PZP: variants seen among roughly 807,000 people sequenced by gnomAD.
The protein encoded by PZP is PZP alpha-2-macroglobulin like.
In PZP, 150 loss-of-function variants were observed where a neutral mutation model predicts 179.8. The observed-to-expected ratio is 0.83, with a 90% CI of 0.73 to 0.96. PZP has a LOEUF of 0.96. Ranked by LOEUF, PZP falls within the 40% of genes least tolerant of loss-of-function variation. The pLI is 0.00. For missense variants in PZP, 1,689 were observed against 1,764.0 expected (o/e 0.96, Z 0.76); for synonymous variants, 624 against 652.3 (o/e 0.96, Z 0.66).
intron 34 of PZP, among the ~76,000 whole-genome samples, chr12:9,150,133 T>C (rs1401678615): frequency 6.6e-6 from 1 of 152,238 alleles, no homozygotes; most frequent in African/African-American, 2.4e-5. Flanking sequence ...TTTCCTGTTA[T>C]GTAATATTTT....
At chr12:9,201,461 CA>C in intron 4 of PZP, 114 bp from the exon 5 acceptor site, 2 of 785,028 alleles carry the variant, frequency 2.5e-6, no homozygotes, top group Admixed American at 4.9e-5. Context: ...CTAAATTCAA[CA>C]AGAAACATAA....
At chr12:9,153,547 AT>A (rs1206183986) in intron 29 of PZP, among the ~76,000 whole-genome samples, 1 of 152,250 alleles carries the variant, frequency 6.6e-6, no homozygotes, top group Non-Finnish European at 1.5e-5. Flanking sequence ...TAAAAGGCTA[AT>A]AATGTTTATT....
At chr12:9,194,891 G>A (rs1318896262) in intron 10 of PZP, among the ~76,000 whole-genome samples, 1 of 152,150 alleles carries the variant, frequency 6.6e-6, no homozygotes, top group African/African-American at 2.4e-5. Flanking sequence ...ATGCTTGGCT[G>A]TGTTCTGAAC....
At chr12:9,151,793 T>C in intron 32 of PZP, 121 bp from the exon 33 acceptor site, 1 of 732,582 alleles carries the variant, frequency 1.4e-6, no homozygotes, top group Non-Finnish European at 2.2e-6. Context: ...AAGCTAATTG[T>C]TTTCAGGTCA....
chr12:9,202,490 A>G (rs774139153), intron 3 of PZP, 35 bp downstream of exon 3: 8 of 1,613,296 alleles, frequency 5.0e-6, no homozygotes, highest in Middle Eastern at 1.6e-4. Context: ...GGCCCTTCTC[A>G]GTGTTGCCCC....
intron 29 of PZP, among the ~76,000 whole-genome samples, 194 bp from the exon 30 acceptor site, chr12:9,153,537 TA>T: frequency 6.6e-6 from 1 of 152,346 alleles, no homozygotes; most frequent in South Asian, 2.1e-4. Context: ...CCAAATGAAA[TA>T]AAAGGCTAAT....
intron 11 of PZP, 31 bp from the exon 12 acceptor site, chr12:9,192,770 C>T (rs1217566242): frequency 6.8e-7 from 1 of 1,473,598 alleles, no homozygotes; most frequent in African/African-American, 1.4e-5. Flanking sequence ...AGAAAGAATA[C>T]TGTCTTGAAA....
Position 9,193,315 on chromosome 12 carries a change from T to C in PZP, c.1255-576A>G, listed in dbSNP as rs1016440394. 2.6e-5 allele frequency among the ~76,000 whole-genome samples: 4 copies of C among 152,246 alleles called. No homozygotes were observed. In the East Asian group the frequency reaches 7.7e-4, roughly 29 times the overall value. ...TTAGCTTTTCTTCAAAGTGCACTTA[T>C]TTTTTTCTAAATTTATTAGGCATAT... is the stretch of plus-strand genomic sequence containing the variant. On this transcript the variant is annotated intron_variant, in intron 11 of 35. Coordinates refer to ENST00000261336, the MANE Select transcript of PZP (RefSeq NM_002864.3).
the PZP span, among the ~76,000 whole-genome samples, chr12:9,140,288 A>T: frequency 2.0e-5 from 3 of 152,098 alleles, no homozygotes; most frequent in Non-Finnish European, 4.4e-5. Context: ...GAATGGGATG[A>T]CCCATGCTAT....
intron 20 of PZP, among the ~76,000 whole-genome samples, 162 bp from the exon 21 acceptor site, chr12:9,163,951 G>A (rs886073485): frequency 6.6e-6 from 1 of 152,200 alleles, no homozygotes; most frequent in Non-Finnish European, 1.5e-5. Context: ...CCAAGATAGT[G>A]ATTCTGGGGA....
rs990141071 is a variant in PZP, at chr12:9,157,170, C to A, written c.3550+5G>T. The A allele has an allele frequency of 2.5e-5, 41 of 1,611,790 alleles. No individual in the cohort carries two copies. Among genetic ancestry groups the A allele is most frequent in the Non-Finnish European group, 3.4e-5 (40 of 1,178,566 alleles). On this transcript the variant is annotated splice_donor_5th_base_variant and intron_variant, in intron 28 of 35. Transcript: ENST00000261336. ...TGTTCAGCTCCCACTTATAAGTGCT[C>A]TCACCTTCTTTCACAGCTTCCTTAT...
Position 9,204,462 on chromosome 12 carries a change from A to T in PZP, c.84-511T>A, listed in dbSNP as rs116088179. On this transcript the variant is annotated intron_variant, in intron 1 of 35. Transcript: ENST00000261336. ...GAAAGAACTTCAGTAAGCATATATC[A>T]TTACACAAAATAACACATGTCTATA... Among the ~76,000 whole-genome samples, 649 of 152,336 alleles carry T rather than the reference A, an allele frequency of 4.3e-3. 3 individuals carry two copies. The highest frequency in any genetic ancestry group is 0.014 in the African/African-American group (598 of 41,566).
intron 2 of PZP, 42 bp from the exon 3 acceptor site, chr12:9,202,726 T>C: frequency 6.4e-7 from 1 of 1,563,982 alleles, no homozygotes; most frequent in Non-Finnish European, 8.7e-7. Context: ...AACTGTGCAG[T>C]CTTCTCCCTC....
chr12:9,152,318 G>A lies in PZP; in HGVS notation c.4122-8C>T, dbSNP rs1940418172. ...GGACGGTTTCCTGTGTAACTGTAGT[G>A]TCAAAGGAAAAAGAATTTAGGGTTT... On this transcript the variant is annotated splice_polypyrimidine_tract_variant and splice_region_variant and intron_variant, in intron 31 of 35. Coordinates refer to ENST00000261336, the MANE Select transcript of PZP (RefSeq NM_002864.3). 6.2e-7 allele frequency: 1 copy of A among 1,602,596 alleles called. No individual in the cohort carries two copies. Among genetic ancestry groups the A allele is most frequent in the Non-Finnish European group, 8.5e-7 (1 of 1,169,616 alleles).
chr12:9,197,923 A>G (rs754424236), intron 7 of PZP, among the ~76,000 whole-genome samples: 2 of 129,330 alleles, frequency 1.5e-5, no homozygotes, highest in African/African-American at 3.0e-5. Context: ...TATATATTAT[A>G]TAAGTTATCT....
At chr12:9,199,625 C>G (rs191805564) in intron 7 of PZP, among the ~76,000 whole-genome samples, 1 of 151,914 alleles carries the variant, frequency 6.6e-6, no homozygotes, top group African/African-American at 2.4e-5. Context: ...CTTCTAGAGG[C>G]CAACTGATGA....
intron 27 of PZP, 39 bp from the exon 28 acceptor site, chr12:9,157,394 A>G (rs1294138316): frequency 1.1e-5 from 17 of 1,582,020 alleles, no homozygotes; most frequent in Non-Finnish European, 1.4e-5. Flanking sequence ...ACTAGGGTGA[A>G]TAGAGGGCAG....
At position 9,194,117 on chromosome 12, in the gene PZP, A is replaced by G. The variant is rs1424555417; in HGVS notation, c.1214T>C (p.Ile405Thr). 1 of 1,614,042 alleles carries G rather than the reference A, an allele frequency of 6.2e-7. No homozygotes were observed. Among genetic ancestry groups the G allele is most frequent in the Non-Finnish European group, 8.5e-7 (1 of 1,179,962 alleles). ...ATTAACCGAGATACTGGTAGTATTGATTGAAAACTGTGCAAGACCCTGCTC... is the reference window on the plus strand; with the variant it reads ...ATTAACCGAGATACTGGTAGTATTGGTTGAAAACTGTGCAAGACCCTGCTC... ...TNEQGLAQFS[I>T]NTTSISVNKL... is the part of the protein sequence containing the mutation. The change falls in exon 11 of 36, where the codon ATC becomes ACC. Residue 405 changes from isoleucine to threonine, a missense_variant. Physicochemically the swap from Ile to Thr is moderately conservative, Grantham distance 89. Coordinates refer to ENST00000261336, the MANE Select transcript of PZP (RefSeq NM_002864.3).
In PZP at chr12:9,152,249, A is replaced by G. The variant is rs758494225; in HGVS notation, c.4183T>C (p.Phe1395Leu). The change falls in exon 32 of 36, where the codon TTT (phenylalanine) becomes CTT (leucine). Residue 1395 changes from phenylalanine (F) to leucine (L), a missense_variant. This residue lies in a region of PZP where 746 missense variants were observed against 749.2 expected (regional missense o/e 1.00). Coordinates refer to ENST00000261336, the MANE Select transcript of PZP (RefSeq NM_002864.3). The stretch of plus-strand genomic sequence containing the variant: ...TTTACTGTTGGTTTCAGGGGAATAA[A>G]ACCAGATACCATCTTTACATCAACA... Reference protein sequence around the residue: ...VIVDVKMVSGFIPLKPTVKML... With the variant: ...VIVDVKMVSGLIPLKPTVKML... The G allele has an allele frequency of 1.1e-5, 18 of 1,612,538 alleles. No individual in the cohort carries two copies. Among genetic ancestry groups the G allele is most frequent in the Admixed American group, 1.7e-5 (1 of 60,004 alleles).
Sources: gnomAD v4.1 joint callset for allele counts (sites outside exome capture counted in the v4.1 genomes callset) on GRCh38, gnomAD v4.1.1 for gene constraint, gnomAD v4.1.1 regional missense constraint, MANE v1.5 for transcripts, NCBI Gene and HGNC (gene_info 2026-07-23, HGNC 2026-07-21) for gene names.